SPATS2: variants seen among roughly 807,000 people sequenced by gnomAD.
SPATS2 encodes spermatogenesis associated serine rich 2.
A neutral mutation model predicts 63.7 loss-of-function variants in SPATS2; 38 were observed. The ratio of observed to expected loss-of-function variants is 0.60; its 90% CI spans 0.46 to 0.78. SPATS2 has a LOEUF of 0.78. Among genes scored for constraint, SPATS2 ranks in the 30% least tolerant of loss-of-function variants. The pLI is 0.00. For synonymous variants in SPATS2, 207 were observed against 232.9 expected (o/e 0.89, Z 1.01); for missense variants, 588 against 666.2 (o/e 0.88, Z 1.29).
At chr12:49,420,177 GTTTC>G (rs1436407391) in intron 2 of SPATS2, among the ~76,000 whole-genome samples, 1 of 152,182 alleles carries the variant, frequency 6.6e-6, no homozygotes, top group African/African-American at 2.4e-5. Flanking sequence ...AGAAAAGGAT[GTTTC>G]TTTCCCTTGA....
rs1471237788 is a variant in SPATS2 at position 49,488,918 on chromosome 12, G to A, written c.106-547G>A. On this transcript the variant is annotated intron_variant, in intron 4 of 13. Transcript: ENST00000552918. Reference sequence around the variant, plus strand: ...ATAGGACTTATTAGGTGTTCATGGGGGCTTCAATTATATTTATTTTGTTTT... The same window carrying A: ...ATAGGACTTATTAGGTGTTCATGGGAGCTTCAATTATATTTATTTTGTTTT... Among the ~76,000 whole-genome samples, 36 of 152,014 alleles carry A rather than the reference G, an allele frequency of 2.4e-4. 1 individual carries two copies. Among genetic ancestry groups the A allele is most frequent in the Non-Finnish European group, 5.3e-4 (36 of 68,020 alleles).
intron 3 of SPATS2, among the ~76,000 whole-genome samples, chr12:49,472,145 C>T (rs941893039): frequency 5.3e-5 from 8 of 151,686 alleles, no homozygotes; most frequent in Admixed American, 1.3e-4. Flanking sequence ...GTCTCAAAAG[C>T]GCCCCCCAAA....
chr12:49,484,946 A>T (rs148106825), intron 4 of SPATS2, among the ~76,000 whole-genome samples: 304 of 152,276 alleles, frequency 2.0e-3, no homozygotes, highest in African/African-American at 6.7e-3. Flanking sequence ...ATTAATATTT[A>T]TGTGGCTGAG....
At chr12:49,523,217 A>G (rs1172704501) in intron 12 of SPATS2, among the ~76,000 whole-genome samples, 1 of 152,156 alleles carries the variant, frequency 6.6e-6, no homozygotes, top group Non-Finnish European at 1.5e-5. Context: ...GCTCACATCT[A>G]TAATCCCAAC....
At position 49,422,835 on chromosome 12, in the gene SPATS2, C is replaced by T. The variant is rs530812063; in HGVS notation, c.-243-37935C>T. ...GCTTAGGTAGGAGAATCGTTTGAGC[C>T]CAGGAGATGGAGGTTACAGTGAGCC... is the stretch of plus-strand genomic sequence containing the variant. On this transcript the variant is annotated intron_variant, in intron 2 of 13. Coordinates refer to ENST00000552918, the MANE Select transcript of SPATS2 (RefSeq NM_023071.4). Among the ~76,000 whole-genome samples the T allele has an allele frequency of 3.9e-5, 6 of 152,004 alleles. No homozygotes were observed. In the South Asian group the frequency reaches 1.0e-3, roughly 26 times the overall value.
At chr12:49,462,712 C>G (rs142020120) in intron 3 of SPATS2, 3 of 509,512 alleles carry the variant, frequency 5.9e-6, no homozygotes, top group Non-Finnish European at 1.1e-5. Context: ...TGGTGGGGTG[C>G]GGGTAGATAA....
chr12:49,399,047 C>T (rs1592359840), intron 2 of SPATS2, among the ~76,000 whole-genome samples: 1 of 152,072 alleles, frequency 6.6e-6, no homozygotes, highest in South Asian at 2.1e-4. Flanking sequence ...TTTATTTTGC[C>T]TTTGCCAGAC....
upstream of SPATS2, chr12:49,367,313 G>A (rs1043231681): frequency 9.0e-5 from 34 of 378,832 alleles, no homozygotes; most frequent in African/African-American, 7.1e-4. Context: ...AGGGCTCCGG[G>A]GCGGGGCGAG....
intron 2 of SPATS2, among the ~76,000 whole-genome samples, chr12:49,429,757 A>G (rs1244127062): frequency 7.2e-6 from 1 of 139,614 alleles, no homozygotes; most frequent in Non-Finnish European, 1.5e-5. Flanking sequence ...TGCCTGGCCT[A>G]GAATTTAGGT....
At chr12:49,438,670 A>G (rs1002727944) in intron 2 of SPATS2, among the ~76,000 whole-genome samples, 2 of 152,190 alleles carry the variant, frequency 1.3e-5, no homozygotes, top group South Asian at 4.1e-4. Flanking sequence ...GATGAGCAAT[A>G]ATGTTAAGTC....
intron 2 of SPATS2, among the ~76,000 whole-genome samples, chr12:49,449,698 A>T (rs1043381574): frequency 1.1e-4 from 16 of 152,170 alleles, no homozygotes; most frequent in African/African-American, 3.9e-4. Context: ...GCAGGCAAGA[A>T]AGTTTGTGCA....
chr12:49,442,596 CTTTTTTGGCT>C (rs1243808997), intron 2 of SPATS2: 1 of 156,050 alleles, frequency 6.4e-6, no homozygotes, highest in Admixed American at 6.6e-5. Context: ...TTCCTGCTGT[CTTTTTTGGCT>C]TCGTTTCCCC....
chr12:49,404,006 T>G (rs1428276709), intron 2 of SPATS2, among the ~76,000 whole-genome samples: 1 of 152,186 alleles, frequency 6.6e-6, no homozygotes, highest in East Asian at 1.9e-4. Context: ...TTTTGCTAGA[T>G]TCATTCGTTC....
At chr12:49,409,140 A>G (rs1327240981) in intron 2 of SPATS2, among the ~76,000 whole-genome samples, 2 of 152,168 alleles carry the variant, frequency 1.3e-5, no homozygotes, top group African/African-American at 2.4e-5. Flanking sequence ...TCATAGAATC[A>G]AACTGCAAAA....
At chr12:49,389,873 T>C in intron 2 of SPATS2, 1 of 834,952 alleles carries the variant, frequency 1.2e-6, no homozygotes, top group Admixed American at 1.7e-5. Flanking sequence ...AAAAAGATGA[T>C]CCGGGAAAAA....
chr12:49,399,835 G>A (rs1469172518), intron 2 of SPATS2, among the ~76,000 whole-genome samples: 1 of 152,074 alleles, frequency 6.6e-6, no homozygotes, highest in Non-Finnish European at 1.5e-5. Flanking sequence ...CAGGAGATCA[G>A]GACCATCCTG....
At chr12:49,445,550 C>T (rs11169023) in intron 2 of SPATS2, among the ~76,000 whole-genome samples, 3,383 of 152,124 alleles carry the variant, frequency 0.022, 45 homozygotes, top group Middle Eastern at 0.034. Context: ...CAGCGTCTCA[C>T]TTTGTCACCC....
chr12:49,392,789 C>T (rs1242718380), intron 2 of SPATS2, among the ~76,000 whole-genome samples: 4 of 151,934 alleles, frequency 2.6e-5, no homozygotes, highest in East Asian at 3.9e-4. Flanking sequence ...CGATGGCTCA[C>T]GCCTGTAATC....
At chr12:49,367,240 T>G, upstream of SPATS2, 3 of 255,008 alleles carry the variant, frequency 1.2e-5, no homozygotes, top group Non-Finnish European at 2.2e-5. Context: ...GCGCGCCGGA[T>G]TCGCGCCGGC....
Sources: allele counts gnomAD v4.1 joint callset (sites outside exome capture counted in the v4.1 genomes callset), GRCh38; gene constraint gnomAD v4.1.1; transcripts MANE v1.5; gene names NCBI Gene and HGNC (gene_info 2026-07-23, HGNC 2026-07-21).